The following RD3 variants were observed in gnomAD, a reference collection of about 807,000 sequenced individuals.
RD3 encodes the protein RD3 regulator of GUCY2D.
Under a neutral mutation model 16.9 loss-of-function variants are expected in RD3, and 11 were observed. That is an observed-to-expected ratio of 0.65 (90% CI 0.41 to 1.08). The LOEUF (loss-of-function observed/expected upper bound fraction) is 1.08, where lower values mean the gene tolerates loss of function less well. Among genes scored for constraint, RD3 ranks in the 50% least tolerant of loss-of-function variants. RD3 has a pLI of 0.00. For synonymous variants in RD3, 116 were observed against 114.8 expected (o/e 1.01, Z -0.07); for missense variants, 274 against 267.4 (o/e 1.02, Z -0.17).
intron 1 of RD3, among the ~76,000 whole-genome samples, chr1:211,490,702 C>T (rs1392025237): frequency 6.6e-6 from 1 of 152,180 alleles, no homozygotes; most frequent in Non-Finnish European, 1.5e-5. Flanking sequence ...ACCTATAATC[C>T]ACCAAGCCAG....
intron 1 of RD3, among the ~76,000 whole-genome samples, chr1:211,490,716 T>TGAGC (rs1181076752): frequency 6.6e-6 from 1 of 152,186 alleles, no homozygotes; most frequent in African/African-American, 2.4e-5. Flanking sequence ...AAGCCAGATA[T>TGAGC]GAGCGGGCCT....
At chr1:211,485,715 C>T (rs1028620624) in intron 1 of RD3, among the ~76,000 whole-genome samples, 7 of 152,188 alleles carry the variant, frequency 4.6e-5, no homozygotes, top group African/African-American at 1.4e-4. Context: ...CAGTGTAAGC[C>T]CCAAGGCCCC....
chr1:211,490,966 T>C (rs1439366374), intron 1 of RD3, among the ~76,000 whole-genome samples: 1 of 152,216 alleles, frequency 6.6e-6, no homozygotes, highest in African/African-American at 2.4e-5. Context: ...GCGAGAGGAA[T>C]GTGGGTTGAA....
chr1:211,488,649 G>A (rs1372315315), intron 1 of RD3, among the ~76,000 whole-genome samples: 1 of 152,170 alleles, frequency 6.6e-6, no homozygotes, highest in Non-Finnish European at 1.5e-5. Flanking sequence ...AAGCCAGCTA[G>A]GAACATGGGC....
intron 1 of RD3, among the ~76,000 whole-genome samples, chr1:211,485,684 A>G (rs1222399238): frequency 6.6e-6 from 1 of 152,082 alleles, no homozygotes; most frequent in Non-Finnish European, 1.5e-5. Flanking sequence ...CAGATTCACC[A>G]CCGTGGCAGA....
In RD3 at chr1:211,479,276, C is replaced by G; in HGVS notation, c.348G>C (p.Gln116His). The change falls in exon 3 of 3, where the codon CAG becomes CAC. Residue 116 changes from glutamine (Q) to histidine (H), a missense_variant. Gln to His is a conservative substitution (Grantham distance 24, BLOSUM62 0). Coordinates refer to ENST00000680073, the MANE Select transcript of RD3 (RefSeq NM_001164688.2). ...CCTCCTGCAGCACCGAGCGGAAGAG[C>G]TGGGACACCTCCTGCACCTCGGGCT... ...EQEPEVQEVS[Q>H]LFRSVLQEVL... The G allele has an allele frequency of 1.2e-6, 2 of 1,605,914 alleles. No individual in the cohort carries two copies. The highest frequency in any genetic ancestry group is 1.7e-6 in the Non-Finnish European group (2 of 1,176,292).
intron 1 of RD3, among the ~76,000 whole-genome samples, chr1:211,489,136 A>T (rs1253428268): frequency 6.6e-6 from 1 of 152,234 alleles, no homozygotes; most frequent in Non-Finnish European, 1.5e-5. Flanking sequence ...TACTGTGAAA[A>T]TCAAATGAGA....
chr1:211,490,281 G>A (rs921888783), intron 1 of RD3, among the ~76,000 whole-genome samples: 1 of 152,250 alleles, frequency 6.6e-6, no homozygotes, highest in Non-Finnish European at 1.5e-5. Flanking sequence ...GAGAACTGAG[G>A]CCCTGCGCCG....
In RD3 at chr1:211,482,895, C is replaced by T. The variant is rs866826469; in HGVS notation, c.-11-1469G>A. On this transcript the variant is annotated intron_variant, in intron 1 of 2. Transcript: ENST00000680073. The stretch of plus-strand genomic sequence containing the variant: ...CCCATTTCTGCTTAGACCCTCCATA[C>T]GCAGAGAAAAGAGGTCAGATGAACT... Among the ~76,000 whole-genome samples, 15 of 151,858 alleles carry T rather than the reference C, an allele frequency of 9.9e-5. No individual in the cohort carries two copies. In the East Asian group the frequency reaches 1.2e-3, roughly 12 times the overall value.
chr1:211,476,935 A>C lies in RD3; in HGVS notation c.*2101T>G, dbSNP rs1322039249. On this transcript the variant is annotated 3_prime_UTR_variant, in exon 3 of 3. Transcript: ENST00000680073. ...ACATTTGCTGACCCACATCCAGGGC[A>C]CCCGGAAAGCCCACAATGTGGAGGC... The C allele has an allele frequency of 2.0e-5, 3 of 152,062 alleles. No individual in the cohort carries two copies. Among genetic ancestry groups the C allele is most frequent in the Non-Finnish European group, 4.4e-5 (3 of 68,016 alleles). 9.4% of individuals were successfully genotyped at this position (152,062 alleles called of 1,614,324 possible).
chr1:211,478,527 G>C lies in RD3; in HGVS notation c.*509C>G, dbSNP rs1411915442. On this transcript the variant is annotated 3_prime_UTR_variant, in exon 3 of 3. Coordinates refer to ENST00000680073, the MANE Select transcript of RD3 (RefSeq NM_001164688.2). ...AATGTCTCTCTGGTCCCTTCCAGCT[G>C]TGCCTGCCTATGAGGCTGTGTGTGA... 2.2e-5 allele frequency: 5 copies of C among 232,400 alleles called. No individual in the cohort carries two copies. The East Asian group carries it at 4.4e-4, about 21-fold the overall frequency. The allele number at this position is 232,400 out of a possible 1,614,324, so 14.4% of individuals were successfully genotyped here.
chr1:211,491,005 C>A (rs903971634), intron 1 of RD3, among the ~76,000 whole-genome samples: 1 of 152,242 alleles, frequency 6.6e-6, no homozygotes, highest in Non-Finnish European at 1.5e-5. Flanking sequence ...ACTTGATAAG[C>A]GGTTCCTGAA....
rs929192341 is a variant in RD3, at chr1:211,482,909, G to A, written c.-11-1483C>T. On this transcript the variant is annotated intron_variant, in intron 1 of 2. Coordinates refer to ENST00000680073, the MANE Select transcript of RD3 (RefSeq NM_001164688.2). ...GACCCTCCATACGCAGAGAAAAGAG[G>A]TCAGATGAACTCAGTCTCAACAGCA... Among the ~76,000 whole-genome samples, 31 of 151,970 alleles carry A rather than the reference G, an allele frequency of 2.0e-4. 2 individuals are homozygous for A. Among genetic ancestry groups the A allele is most frequent in the African/African-American group, 7.5e-4 (31 of 41,262 alleles).
In RD3 at chr1:211,478,178, G is replaced by A. The variant is rs1705182062; in HGVS notation, c.*858C>T. Reference sequence around the variant, plus strand: ...TGGAGCTGAGCCTCTGGAAGAAGCTGTTAGGGACTGGCCACAGCCCATGCG... The same window carrying A: ...TGGAGCTGAGCCTCTGGAAGAAGCTATTAGGGACTGGCCACAGCCCATGCG... On this transcript the variant is annotated 3_prime_UTR_variant, in exon 3 of 3. Coordinates refer to ENST00000680073, the MANE Select transcript of RD3 (RefSeq NM_001164688.2). 3 of 398,564 alleles carry A rather than the reference G, an allele frequency of 7.5e-6. No individual in the cohort carries two copies. Among genetic ancestry groups the A allele is most frequent in the East Asian group, 3.6e-5 (1 of 28,098 alleles). 24.7% of individuals were successfully genotyped at this position (398,564 alleles called of 1,614,324 possible).
rs113525498 is a variant in RD3, at chr1:211,485,189, T to A, written c.-11-3763A>T. Among the ~76,000 whole-genome samples, 1,243 of 152,202 alleles carry A rather than the reference T, an allele frequency of 8.2e-3. 24 individuals carry two copies. The highest frequency in any genetic ancestry group is 0.028 in the African/African-American group (1,172 of 41,528). ...GGTGCTTTGTGACCCACCTCCCCCA[T>A]CTCCAGATGGCAGGGGCTGAGTGGA... On this transcript the variant is annotated intron_variant, in intron 1 of 2. Transcript: ENST00000680073.
chr1:211,481,399 C>A lies in RD3; in HGVS notation c.17G>T (p.Trp6Leu). The A allele has an allele frequency of 6.2e-7, 1 of 1,612,970 alleles. No individual in the cohort carries two copies. The change falls in exon 2 of 3, where the codon TGG (tryptophan) becomes TTG (leucine). Residue 6 changes from tryptophan (W) to leucine (L), a missense_variant. Coordinates refer to ENST00000680073, the MANE Select transcript of RD3 (RefSeq NM_001164688.2). ...GGATGGGGCCTCGTTCCACCGAAGCCATGAGATGAGAGACATAGCCCCTGG... is the reference window on the plus strand; with the variant it reads ...GGATGGGGCCTCGTTCCACCGAAGCAATGAGATGAGAGACATAGCCCCTGG... MSLIS[W>L]LRWNEAPSRL...
At position 211,481,121 on chromosome 1, in the gene RD3, T is replaced by G. The variant is rs777006271; in HGVS notation, c.295A>C (p.Arg99=). ...AAGGGTCCCCATCCCAGTGCTCACC[T>G]GAGGATAGCAGGCCCACAATAGGAT... ...HPSYCGPAIL[R]FRQLLAEQEP... Residue 99 remains arginine, a splice_region_variant and synonymous_variant, in exon 2 of 3, where the codon AGG becomes CGG. Transcript: ENST00000680073. 6.2e-6 allele frequency: 10 copies of G among 1,614,194 alleles called. No individual in the cohort carries two copies. In the South Asian group the frequency reaches 1.1e-4, roughly 18 times the overall value.
chr1:211,482,356 T>C (rs1167569751), intron 1 of RD3, among the ~76,000 whole-genome samples: 1 of 151,966 alleles, frequency 6.6e-6, no homozygotes, highest in African/African-American at 2.4e-5. Context: ...GCCAGGATCC[T>C]GCTCTCCAGG....
chr1:211,488,937 C>G (rs1192219355), intron 1 of RD3, among the ~76,000 whole-genome samples: 1 of 152,182 alleles, frequency 6.6e-6, no homozygotes, highest in East Asian at 1.9e-4. Flanking sequence ...TCCGCCTCTA[C>G]TTGATCACCA....
Sources: allele counts gnomAD v4.1 joint callset (sites outside exome capture counted in the v4.1 genomes callset), GRCh38; gene constraint gnomAD v4.1.1; transcripts MANE v1.5; gene names NCBI Gene and HGNC (gene_info 2026-07-23, HGNC 2026-07-21).